Variants in KMT2E observed in about 807,000 individuals in gnomAD.
KMT2E encodes histone reader KMT2E.
In KMT2E, 30 loss-of-function variants were observed where a neutral mutation model predicts 184.6. The observed-to-expected ratio is 0.16, with a 90% CI of 0.12 to 0.22. The LOEUF (loss-of-function observed/expected upper bound fraction) is 0.22. Among genes scored for constraint, KMT2E ranks in the 10% least tolerant of loss-of-function variants. The pLI, the probability that KMT2E is intolerant of heterozygous loss-of-function variation, is 1.00. For missense variants in KMT2E, 2,023 were observed against 2,237.4 expected (o/e 0.90, Z 1.93); for synonymous variants, 815 against 776.5 (o/e 1.05, Z -0.82).
chr7:105,082,503 G>A (rs549513417), intron 13 of KMT2E, among the ~76,000 whole-genome samples: 3 of 152,228 alleles, frequency 2.0e-5, no homozygotes, highest in South Asian at 2.1e-4. Flanking sequence ...AAATCATAAG[G>A]AAGATACAAT....
At chr7:105,036,995 A>G (rs543613843) in intron 1 of KMT2E, among the ~76,000 whole-genome samples, 1 of 152,238 alleles carries the variant, frequency 6.6e-6, no homozygotes, top group African/African-American at 2.4e-5. Context: ...ATTTTACCTT[A>G]GTCAGCTGCT....
At chr7:105,059,996 T>TTG (rs1796744475) in intron 3 of KMT2E, among the ~76,000 whole-genome samples, 1 of 120,736 alleles carries the variant, frequency 8.3e-6, no homozygotes, top group Non-Finnish European at 1.8e-5. Flanking sequence ...TTTTTTTTTT[T>TTG]TTTTTTTTTT....
chr7:105,104,911 G>A, intron 17 of KMT2E: 1 of 152,480 alleles, frequency 6.6e-6, no homozygotes, highest in Non-Finnish European at 1.5e-5. Flanking sequence ...GCTCACACCT[G>A]TAAACTCAGC....
At chr7:105,101,854 A>G in intron 16 of KMT2E, 32 bp from the exon 17 acceptor site, 1 of 1,527,006 alleles carries the variant, frequency 6.5e-7, no homozygotes, top group Non-Finnish European at 8.9e-7. Flanking sequence ...TATGTAGTAT[A>G]AAAACTTCCA....
intron 15 of KMT2E, among the ~76,000 whole-genome samples, chr7:105,101,011 T>G (rs1179989647): frequency 6.6e-6 from 1 of 152,172 alleles, no homozygotes; most frequent in African/African-American, 2.4e-5. Flanking sequence ...GCCAATAATA[T>G]ACTCACTCAA....
At chr7:105,100,218 A>G (rs530505956) in intron 15 of KMT2E, among the ~76,000 whole-genome samples, 1 of 152,344 alleles carries the variant, frequency 6.6e-6, no homozygotes, top group South Asian at 2.1e-4. Context: ...TAGAAGTATT[A>G]TTAGAGTACT....
At chr7:105,073,419 A>G (rs1056950894) in intron 6 of KMT2E, among the ~76,000 whole-genome samples, 200 bp from the exon 7 acceptor site, 6 of 148,380 alleles carry the variant, frequency 4.0e-5, no homozygotes, top group Non-Finnish European at 6.0e-5. Context: ...AAAAAAAAAA[A>G]TCAGAGTGAA....
chr7:105,041,705 C>T (rs781242628), intron 3 of KMT2E, among the ~76,000 whole-genome samples: 1 of 151,946 alleles, frequency 6.6e-6, no homozygotes, highest in African/African-American at 2.4e-5. Context: ...AGCCGGTGCT[C>T]GGGTATTTTT....
intron 12 of KMT2E, 122 bp from the exon 13 acceptor site, chr7:105,081,566 T>C: frequency 1.5e-6 from 1 of 648,964 alleles, no homozygotes; most frequent in Middle Eastern, 4.1e-4. Context: ...TTGTCATTAA[T>C]GACATATTTT....
At chr7:105,100,034 G>A (rs1798588290) in intron 15 of KMT2E, among the ~76,000 whole-genome samples, 1 of 152,156 alleles carries the variant, frequency 6.6e-6, no homozygotes, top group Non-Finnish European at 1.5e-5. Context: ...TTCAGTGCCA[G>A]TGAACAAGTA....
In KMT2E at chr7:105,035,205, TG is replaced by T. The variant is rs777662421; in HGVS notation, c.-188-2920del. ...AAGCCTGGCTAATTTTTTTTTTTTTTGTATTTTTAGTAGAGACGGGGTTTCA... is the reference window on the plus strand; with the variant it reads ...AAGCCTGGCTAATTTTTTTTTTTTTTTATTTTTAGTAGAGACGGGGTTTCA... On this transcript the variant is annotated intron_variant, in intron 1 of 26. Transcript: ENST00000311117. 5.3e-5 allele frequency among the ~76,000 whole-genome samples: 8 copies of T among 151,424 alleles called. No homozygotes were observed. The East Asian group carries it at 1.4e-3, about 26-fold the overall frequency.
At chr7:105,101,762 C>A in intron 16 of KMT2E, 124 bp from the exon 17 acceptor site, 1 of 986,488 alleles carries the variant, frequency 1.0e-6, no homozygotes, top group Non-Finnish European at 1.5e-6. Flanking sequence ...TATCTCTGTT[C>A]TTTATTATAT....
intron 3 of KMT2E, among the ~76,000 whole-genome samples, chr7:105,043,427 G>A (rs1035966492): frequency 3.3e-5 from 5 of 151,218 alleles, no homozygotes; most frequent in East Asian, 1.9e-4. Context: ...TAGTAGAGAC[G>A]GGGTTTCACC....
intron 9 of KMT2E, 77 bp from the exon 10 acceptor site, chr7:105,076,875 TGTGTGTGTGTG>T (rs1479691622): frequency 1.7e-3 from 25 of 14,798 alleles, no homozygotes; most frequent in African/African-American, 2.8e-3. Flanking sequence ...GTTAATTTTG[TGTGTGTGTGTG>T]TGTGTGTGTG....
intron 8 of KMT2E, among the ~76,000 whole-genome samples, chr7:105,075,642 T>C (rs1797495055): frequency 6.6e-6 from 1 of 151,862 alleles, no homozygotes; most frequent in African/African-American, 2.4e-5. Flanking sequence ...CTTTGTATTA[T>C]ATTATATACA....
At chr7:105,087,259 G>A (rs1798017693) in intron 13 of KMT2E, among the ~76,000 whole-genome samples, 1 of 140,062 alleles carries the variant, frequency 7.1e-6, no homozygotes, top group Non-Finnish European at 1.5e-5. Context: ...CATTCAACAT[G>A]AGCATATATA....
At chr7:105,048,346 A>G (rs903437735) in intron 3 of KMT2E, among the ~76,000 whole-genome samples, 3 of 152,154 alleles carry the variant, frequency 2.0e-5, no homozygotes, top group Admixed American at 6.5e-5. Flanking sequence ...CAAAATCCTC[A>G]TTTTTTAACA....
At chr7:105,028,990 C>T (rs541594960) in intron 1 of KMT2E, among the ~76,000 whole-genome samples, 44 of 152,198 alleles carry the variant, frequency 2.9e-4, no homozygotes, top group Non-Finnish European at 4.9e-4. Context: ...TAAGGCCGGG[C>T]ACGGTGGCTC....
At chr7:105,111,164 A>C (rs1224239409) in intron 26 of KMT2E, 1 of 293,490 alleles carries the variant, frequency 3.4e-6, no homozygotes, top group Admixed American at 4.8e-5. Context: ...TAGCCTTGTC[A>C]TGAAATTCTT....
Sources: allele counts gnomAD v4.1 joint callset (sites outside exome capture counted in the v4.1 genomes callset), GRCh38; gene constraint gnomAD v4.1.1; transcripts MANE v1.5; gene names NCBI Gene and HGNC (gene_info 2026-07-23, HGNC 2026-07-21).